The following TSPAN12 variants were observed in gnomAD, a reference collection of about 807,000 sequenced individuals.
The protein encoded by TSPAN12 is tetraspanin 12, also known as tetraspanin-12.
Under a neutral mutation model 39.2 loss-of-function variants are expected in TSPAN12, and 19 were observed. The ratio of observed to expected loss-of-function variants is 0.49; its 90% CI spans 0.34 to 0.71. The LOEUF (loss-of-function observed/expected upper bound fraction) is 0.71. Ranked by LOEUF, TSPAN12 falls within the 30% of genes least tolerant of loss-of-function variation. TSPAN12 has a pLI of 0.01. For synonymous variants in TSPAN12, 119 were observed against 124.8 expected (o/e 0.95, Z 0.31); for missense variants, 314 against 359.9 (o/e 0.87, Z 1.03).
At chr7:120,852,557 T>C (rs1264852001) in intron 2 of TSPAN12, among the ~76,000 whole-genome samples, 1 of 152,178 alleles carries the variant, frequency 6.6e-6, no homozygotes, top group Non-Finnish European at 1.5e-5. Context: ...CACTCTCAGA[T>C]AGAACGCACA....
At chr7:120,822,149 C>T (rs921982744) in intron 4 of TSPAN12, among the ~76,000 whole-genome samples, 1 of 152,070 alleles carries the variant, frequency 6.6e-6, no homozygotes, top group African/African-American at 2.4e-5. Context: ...ACCCACCTTC[C>T]TATTTAAGCC....
At chr7:120,811,225 C>G in intron 5 of TSPAN12, among the ~76,000 whole-genome samples, 1 of 152,148 alleles carries the variant, frequency 6.6e-6, no homozygotes. Context: ...ACCATTTGAT[C>G]CAGCAATCCC....
intron 2 of TSPAN12, among the ~76,000 whole-genome samples, chr7:120,847,576 C>T (rs1794696427): frequency 6.6e-6 from 1 of 152,202 alleles, no homozygotes; most frequent in Non-Finnish European, 1.5e-5. Context: ...AAACTAGAGA[C>T]TTGGCAGGGA....
chr7:120,857,976 C>T lies in TSPAN12; in HGVS notation c.-227G>A. 1 of 154,492 alleles carries T rather than the reference C, an allele frequency of 6.5e-6. No individual in the cohort carries two copies. The highest frequency in any genetic ancestry group is 1.4e-5 in the Non-Finnish European group (1 of 69,800). 9.6% of individuals were successfully genotyped at this position (154,492 alleles called of 1,614,324 possible). Reference sequence around the variant, plus strand: ...TTCTCTTCCTCTCCCCCCGCCGCCGCCGTCGCCGCCTCCTGGGAAAAAGAA... The same window carrying T: ...TTCTCTTCCTCTCCCCCCGCCGCCGTCGTCGCCGCCTCCTGGGAAAAAGAA... On this transcript the variant is annotated 5_prime_UTR_variant, in exon 1 of 8. Transcript: ENST00000222747.
intron 5 of TSPAN12, among the ~76,000 whole-genome samples, chr7:120,812,769 T>C (rs989712924): frequency 2.6e-5 from 4 of 152,092 alleles, no homozygotes; most frequent in Non-Finnish European, 5.9e-5. Flanking sequence ...TCTCATAACC[T>C]TTTGGGCATA....
At chr7:120,795,963 T>C (rs187599366) in intron 7 of TSPAN12, among the ~76,000 whole-genome samples, 5 of 152,394 alleles carry the variant, frequency 3.3e-5, no homozygotes, top group Middle Eastern at 3.4e-3. Flanking sequence ...TTTCTTGATA[T>C]ACGAAAGGTC....
intron 6 of TSPAN12, 110 bp from the exon 7 acceptor site, chr7:120,806,802 C>T (rs1793883942): frequency 7.6e-7 from 1 of 1,307,534 alleles, no homozygotes; most frequent in Non-Finnish European, 1.1e-6. Flanking sequence ...CTATATCTGT[C>T]ATCACCTAAT....
chr7:120,789,637 A>ATG (rs894057022), intron 7 of TSPAN12, among the ~76,000 whole-genome samples: 1 of 152,234 alleles, frequency 6.6e-6, no homozygotes, highest in Admixed American at 6.5e-5. Context: ...GCATCTTTAT[A>ATG]TGACACAGTG....
chr7:120,800,043 A>G (rs1249185711), intron 7 of TSPAN12, among the ~76,000 whole-genome samples: 1 of 151,684 alleles, frequency 6.6e-6, no homozygotes, highest in Non-Finnish European at 1.5e-5. Flanking sequence ...TTAGCAGGAA[A>G]GGAGTGTTAA....
chr7:120,808,596 T>C (rs1466526312), intron 6 of TSPAN12, among the ~76,000 whole-genome samples: 1 of 152,142 alleles, frequency 6.6e-6, no homozygotes, highest in Non-Finnish European at 1.5e-5. Flanking sequence ...CACAGTCTAT[T>C]CCAAAGCCTA....
chr7:120,798,593 G>C (rs1406653084), intron 7 of TSPAN12, among the ~76,000 whole-genome samples: 2 of 152,156 alleles, frequency 1.3e-5, no homozygotes, highest in Non-Finnish European at 2.9e-5. Context: ...TCTTTTTATA[G>C]TAATGCCTCA....
chr7:120,808,566 A>G (rs1758345388), intron 6 of TSPAN12, among the ~76,000 whole-genome samples: 1 of 152,202 alleles, frequency 6.6e-6, no homozygotes, highest in Non-Finnish European at 1.5e-5. Flanking sequence ...AGCTTGCTAA[A>G]GTTACAGGCC....
chr7:120,817,692 G>A (rs915859258), intron 4 of TSPAN12, among the ~76,000 whole-genome samples: 5 of 152,070 alleles, frequency 3.3e-5, no homozygotes, highest in African/African-American at 1.2e-4. Flanking sequence ...TTTTACAGAG[G>A]CAAGCAGCAA....
At chr7:120,801,108 G>T (rs928352927) in intron 7 of TSPAN12, among the ~76,000 whole-genome samples, 2 of 152,050 alleles carry the variant, frequency 1.3e-5, no homozygotes, top group Non-Finnish European at 2.9e-5. Context: ...TTTAACAAGT[G>T]TCATTAAATG....
Position 120,788,552 on chromosome 7 carries a change from A to G in TSPAN12, c.*40T>C, listed in dbSNP as rs375824224. On this transcript the variant is annotated 3_prime_UTR_variant, in exon 8 of 8. Coordinates refer to ENST00000222747, the MANE Select transcript of TSPAN12 (RefSeq NM_012338.4). Reference sequence around the variant, plus strand: ...TATGTACTCAAAAATTCACAAGTCCAGTAAAACAAGTTTGTGGTTTTCTTC... The same window carrying G: ...TATGTACTCAAAAATTCACAAGTCCGGTAAAACAAGTTTGTGGTTTTCTTC... 3.2e-4 allele frequency: 511 copies of G among 1,612,912 alleles called. No homozygotes were observed. Among genetic ancestry groups the G allele is most frequent in the Non-Finnish European group, 4.2e-4 (499 of 1,179,116 alleles).
At chr7:120,835,954 G>A in intron 4 of TSPAN12, among the ~76,000 whole-genome samples, 1 of 152,012 alleles carries the variant, frequency 6.6e-6, no homozygotes. Context: ...AGATAAAAAA[G>A]CAAAAAATGG....
intron 7 of TSPAN12, among the ~76,000 whole-genome samples, chr7:120,789,374 G>A (rs1584917892): frequency 6.6e-6 from 1 of 152,194 alleles, no homozygotes; most frequent in Admixed American, 6.5e-5. Flanking sequence ...CATTAGGCCA[G>A]ATCTGGCACA....
chr7:120,797,152 A>C (rs575578087), intron 7 of TSPAN12, among the ~76,000 whole-genome samples: 1 of 152,156 alleles, frequency 6.6e-6, no homozygotes, highest in East Asian at 1.9e-4. Flanking sequence ...GCCAGATTTC[A>C]TCTCAAAAAA....
chr7:120,804,168 T>C (rs1275644098), intron 7 of TSPAN12, among the ~76,000 whole-genome samples: 2 of 152,130 alleles, frequency 1.3e-5, no homozygotes, highest in African/African-American at 2.4e-5. Context: ...CACTAGGAAA[T>C]TTGGTAGGTT....
Sources: allele counts gnomAD v4.1 joint callset (sites outside exome capture counted in the v4.1 genomes callset), GRCh38; gene constraint gnomAD v4.1.1; transcripts MANE v1.5; gene names NCBI Gene and HGNC (gene_info 2026-07-23, HGNC 2026-07-21).